DACT3: variants seen among roughly 807,000 people sequenced by gnomAD.
DACT3 encodes the protein dishevelled binding antagonist of beta catenin 3.
DACT3 carries 5 observed loss-of-function variants against 19.6 expected under a neutral mutation model. That is an observed-to-expected ratio of 0.26 (90% CI 0.13 to 0.54). The LOEUF is 0.54. Ranked by LOEUF, DACT3 falls within the 20% of genes least tolerant of loss-of-function variation. The probability of loss-of-function intolerance (pLI) is 0.95; values close to 1 mark genes in which losing one functional copy is unlikely to be tolerated. For synonymous variants in DACT3, 454 were observed against 428.1 expected (o/e 1.06, Z -0.75); for missense variants, 908 against 927.4 (o/e 0.98, Z 0.27).
chr19:46,649,805 C>A lies in DACT3; in HGVS notation c.567G>T (p.Ala189=). 4 of 1,401,772 alleles carry A rather than the reference C, an allele frequency of 2.9e-6. No homozygotes were observed. Among genetic ancestry groups the A allele is most frequent in the Non-Finnish European group, 3.7e-6 (4 of 1,083,012 alleles). The allele number at this position is 1,401,772 out of a possible 1,614,324, so 86.8% of individuals were successfully genotyped here. A position where few individuals can be genotyped will look rare whatever the true frequency, so the allele number is the denominator to read the frequency against. Reference sequence around the variant, plus strand: ...CGGACCCCCCTGCCGTCGGGTAGGGCGCTGAGAAGGACCGCGGCACCGCTG... The same window carrying A: ...CGGACCCCCCTGCCGTCGGGTAGGGAGCTGAGAAGGACCGCGGCACCGCTG... ...ARAAVPRSFS[A]PYPTAGGSAG... is the part of the protein sequence containing the mutation. Residue 189 remains alanine (A), a synonymous_variant, in exon 4 of 4, where the codon GCG becomes GCT. Coordinates refer to ENST00000391916, the MANE Select transcript of DACT3 (RefSeq NM_145056.3).
chr19:46,658,237 A>AAC (rs1796712869), intron 1 of DACT3, among the ~76,000 whole-genome samples: 1 of 151,436 alleles, frequency 6.6e-6, no homozygotes, highest in African/African-American at 2.4e-5. Context: ...TTTAAAAAAA[A>AAC]AAAAAAAATT....
chr19:46,660,759 C>T lies in DACT3; in HGVS notation c.249+57G>A. 7.0e-7 allele frequency: 1 copy of T among 1,420,568 alleles called. No homozygotes were observed. Among genetic ancestry groups the T allele is most frequent in the Non-Finnish European group, 9.2e-7 (1 of 1,090,556 alleles). 88.0% of individuals were successfully genotyped at this position (1,420,568 alleles called of 1,614,324 possible). The stretch of plus-strand genomic sequence containing the variant: ...CCCCGCCCGGTGTCTGAGCATCCAA[C>T]CGAGACAGACAGACACAGACGGGGG... On this transcript the variant is annotated intron_variant, in intron 1 of 3. Coordinates refer to ENST00000391916, the MANE Select transcript of DACT3 (RefSeq NM_145056.3). The surrounding 1 kb of genome is among the most constrained non-coding windows in gnomAD (Gnocchi z 4.9).
rs1310906480 is a variant in DACT3 at position 46,649,119 on chromosome 19, G to C, written c.1253C>G (p.Ala418Gly). 1.6e-6 allele frequency: 2 copies of C among 1,282,638 alleles called. No individual in the cohort carries two copies. The highest frequency in any genetic ancestry group is 8.2e-5 in the Admixed American group (2 of 24,290). The allele number at this position is 1,282,638 out of a possible 1,614,324, so 79.5% of individuals were successfully genotyped here. ...AGACTGGGAGCGCGAGGCCTTGCGG[G>C]CCCTGGGCGAGCCGCGGCGGCCCGA... is the stretch of plus-strand genomic sequence containing the variant. Reference protein sequence around the residue: ...EASGRRGSPRARKASRSQSET... With the variant: ...EASGRRGSPRGRKASRSQSET... The change falls in exon 4 of 4, where the codon GCC (alanine) becomes GGC (glycine). Residue 418 changes from alanine (A) to glycine (G), a missense_variant. By Grantham distance (60) the Ala-to-Gly change is moderately conservative. Transcript: ENST00000391916.
intron 3 of DACT3, chr19:46,651,066 T>TATTC (rs1001272109): frequency 5.9e-4 from 10 of 16,836 alleles, no homozygotes; most frequent in African/African-American, 1.8e-3. Flanking sequence ...TTTATTTATC[T>TATTC]ATTTATTTAT....
intron 1 of DACT3, chr19:46,659,083 T>A: frequency 1.0e-6 from 1 of 983,606 alleles, no homozygotes; most frequent in African/African-American, 1.8e-5. Context: ...AGACAAGGGT[T>A]GGGGGATCAG....
In DACT3 at chr19:46,660,818, G is replaced by C; in HGVS notation, c.247C>G (p.Leu83Val). Residue 83 changes from leucine (L) to valine (V), a missense_variant and splice_region_variant, in exon 1 of 4, where the codon CTG becomes GTG. By Grantham distance (32) the Leu-to-Val change is conservative. Around this residue, in one of 2 missense-constraint regions of DACT3, gnomAD observed 252 missense variants for 325.6 expected, o/e 0.77. Transcript: ENST00000391916. The surrounding 1 kb of genome is among the most constrained non-coding windows in gnomAD (Gnocchi z 4.9). ...CGGACGGACAGGCAGCCCCTTACCA[G>C]CTGCTCCTCCAGGGCCGCTGCGGCC... is the stretch of plus-strand genomic sequence containing the variant. ...RRAAAALEEQLEALPGLVWDL... is the reference protein window; with the variant it reads ...RRAAAALEEQVEALPGLVWDL... The C allele has an allele frequency of 6.7e-7, 1 of 1,501,532 alleles. No homozygotes were observed. The highest frequency in any genetic ancestry group is 1.3e-5 in the South Asian group (1 of 78,644). The allele number at this position is 1,501,532 out of a possible 1,614,324, so 93.0% of individuals were successfully genotyped here.
intron 1 of DACT3, chr19:46,654,076 T>C (rs1446891394): frequency 1.0e-6 from 1 of 985,284 alleles, no homozygotes; most frequent in Non-Finnish European, 1.2e-6. Flanking sequence ...TTACTGGTAC[T>C]GCAGCAGCCA....
At chr19:46,654,113 A>G (rs1783958120) in intron 1 of DACT3, 1 of 985,100 alleles carries the variant, frequency 1.0e-6, no homozygotes, top group Admixed American at 6.2e-5. Flanking sequence ...TGCCCTAGAG[A>G]CCACATCCTC....
intron 1 of DACT3, among the ~76,000 whole-genome samples, chr19:46,656,701 A>T (rs2053036774): frequency 6.6e-6 from 1 of 152,224 alleles, no homozygotes; most frequent in Admixed American, 6.5e-5. Context: ...TATACAATGG[A>T]ATACTATACA....
chr19:46,655,103 C>A (rs1645091980), intron 1 of DACT3: 1 of 980,328 alleles, frequency 1.0e-6, no homozygotes, highest in Non-Finnish European at 1.2e-6. Flanking sequence ...GCTCACTCCC[C>A]TCTAGCCACG....
intron 1 of DACT3, chr19:46,659,278 G>C: frequency 2.0e-6 from 2 of 984,642 alleles, no homozygotes; most frequent in Non-Finnish European, 2.4e-6. Flanking sequence ...AGCTCGTGCC[G>C]GGAGGACAGA....
intron 1 of DACT3, among the ~76,000 whole-genome samples, chr19:46,653,821 C>T (rs1314575826): frequency 2.0e-5 from 3 of 151,998 alleles, no homozygotes; most frequent in African/African-American, 7.2e-5. Flanking sequence ...CCCAAAGTGC[C>T]GGGATTACAG....
At position 46,649,679 on chromosome 19, in the gene DACT3, G is replaced by A. The variant is rs1181887461; in HGVS notation, c.693C>T (p.Pro231=). The A allele has an allele frequency of 4.9e-5, 58 of 1,179,000 alleles. No individual in the cohort carries two copies. The highest frequency in any genetic ancestry group is 5.5e-5 in the Non-Finnish European group (53 of 955,078). 73.0% of individuals were successfully genotyped at this position (1,179,000 alleles called of 1,614,324 possible). A position where few individuals can be genotyped will look rare whatever the true frequency, so the allele number is the denominator to read the frequency against. Residue 231 remains proline (P), a synonymous_variant, in exon 4 of 4, where the codon CCC becomes CCT. Coordinates refer to ENST00000391916, the MANE Select transcript of DACT3 (RefSeq NM_145056.3). ...LHAVAMRSPR[P]CGRPPTDSPD... is the part of the protein sequence containing the mutation. ...GCGAGTCGGTGGGAGGGCGGCCGCAGGGCCGCGGGCTGCGCATCGCCACGG... is the reference window on the plus strand; with the variant it reads ...GCGAGTCGGTGGGAGGGCGGCCGCAAGGCCGCGGGCTGCGCATCGCCACGG...
At chr19:46,655,925 CTATATA>C (rs557971018) in intron 1 of DACT3, among the ~76,000 whole-genome samples, 68 of 137,918 alleles carry the variant, frequency 4.9e-4, no homozygotes, top group South Asian at 1.4e-3. Context: ...CTCTCTCTCT[CTATATA>C]TATATATATA....
chr19:46,660,691 A>AC lies in DACT3; in HGVS notation c.249+124dup. 1 of 1,372,890 alleles carries AC rather than the reference A, an allele frequency of 7.3e-7. No individual in the cohort carries two copies. Among genetic ancestry groups the AC allele is most frequent in the South Asian group, 1.7e-5 (1 of 60,538 alleles). The allele number at this position is 1,372,890 out of a possible 1,614,324, so 85.0% of individuals were successfully genotyped here. On this transcript the variant is annotated intron_variant, in intron 1 of 3. Transcript: ENST00000391916. This position sits in a 1 kb window ranked among gnomAD's most constrained non-coding sequence, Gnocchi z 4.9. ...CCGGAACTCCGGGGTCGCCAGCCCCACCCCCTGTCCTTTCTCACTCCCTGC... is the reference window on the plus strand; with the variant it reads ...CCGGAACTCCGGGGTCGCCAGCCCCACCCCCCTGTCCTTTCTCACTCCCTGC...
chr19:46,654,496 A>AT, intron 1 of DACT3: 4 of 937,042 alleles, frequency 4.3e-6, no homozygotes, highest in Non-Finnish European at 5.1e-6. Context: ...AAAAAAAAAA[A>AT]GGAAAAAAGA....
In DACT3 at chr19:46,648,754, C is replaced by T. The variant is rs978181704; in HGVS notation, c.1618G>A (p.Gly540Ser). The change falls in exon 4 of 4, where the codon GGC (glycine) becomes AGC (serine). Residue 540 changes from glycine (G) to serine (S), a missense_variant. Physicochemically the swap from Gly to Ser is moderately conservative, Grantham distance 56. This residue lies in a region of DACT3 where 656 missense variants were observed against 601.8 expected (regional missense o/e 1.09). Transcript: ENST00000391916. This position sits in a 1 kb window ranked among gnomAD's most constrained non-coding sequence, Gnocchi z 5.1. ...GPLGRRGPAG[G>S]VGGGYGESES... ...CTCTCCCCGTAACCCCCGCCGACGC[C>T]TCCCGCAGGCCCCCGGCGTCCCAGG... The T allele has an allele frequency of 6.4e-7, 1 of 1,574,430 alleles. No individual in the cohort carries two copies. Among genetic ancestry groups the T allele is most frequent in the South Asian group, 1.1e-5 (1 of 89,416 alleles).
rs1428198939 is a variant in DACT3, at chr19:46,653,133, C to T, written c.250-58G>A. ...GGCCCCCAGTCCTCTGCCGACTGGT[C>T]CCCTATTCCACGAGCTCATGGGCAG... On this transcript the variant is annotated intron_variant, in intron 1 of 3. Transcript: ENST00000391916. The T allele has an allele frequency of 3.9e-6, 6 of 1,539,218 alleles. No homozygotes were observed. The African/African-American group carries it at 6.9e-5, about 18-fold the overall frequency.
Position 46,649,468 on chromosome 19 carries a change from C to T in DACT3, c.904G>A (p.Ala302Thr). The change falls in exon 4 of 4, where the codon GCG becomes ACG. Residue 302 changes from alanine to threonine, a missense_variant. Around this residue, in one of 2 missense-constraint regions of DACT3, gnomAD observed 656 missense variants for 601.8 expected, o/e 1.09. Transcript: ENST00000391916. ...ACGCGCTCCAACGAGGGCTCCCGCG[C>T]GGGTCGCGCGCTGCCGGGGGACGGA... ...ASPSPGSARP[A>T]REPSLERVGG... 1 of 1,168,444 alleles carries T rather than the reference C, an allele frequency of 8.6e-7. No individual in the cohort carries two copies. Among genetic ancestry groups the T allele is most frequent in the Non-Finnish European group, 1.1e-6 (1 of 947,278 alleles). 72.4% of individuals were successfully genotyped at this position (1,168,444 alleles called of 1,614,324 possible).
Sources: gnomAD v4.1 joint callset for allele counts (sites outside exome capture counted in the v4.1 genomes callset) on GRCh38, gnomAD v4.1.1 for gene constraint, gnomAD v4.1.1 regional missense constraint, Gnocchi (gnomAD v3.1) non-coding constraint, MANE v1.5 for transcripts, NCBI Gene and HGNC (gene_info 2026-07-23, HGNC 2026-07-21) for gene names.